FER: variants seen among roughly 807,000 people sequenced by gnomAD.
FER encodes the protein FER tyrosine kinase, also known as tyrosine-protein kinase Fer.
A neutral mutation model predicts 111.0 loss-of-function variants in FER; 63 were observed. That is an observed-to-expected ratio of 0.57 (90% confidence interval 0.46 to 0.70). The LOEUF is 0.70. FER is among the 30% of genes least tolerant of loss of function. The pLI is 0.00. For missense variants in FER, 914 were observed against 954.0 expected, an observed-to-expected ratio of 0.96 and a Z score of 0.55; for synonymous variants, 327 against 313.9, an observed-to-expected ratio of 1.04 and a Z score of -0.44.
intron 17 of FER, among the ~76,000 whole-genome samples, chr5:109,139,385 C>G (rs1009729765): frequency 4.9e-5 from 6 of 122,286 alleles, no homozygotes; most frequent in African/African-American, 1.9e-4. Flanking sequence ...GAGTCTCGCT[C>G]TGTTGCCCAG....
At chr5:109,053,821 G>A (rs1009306977) in intron 16 of FER, among the ~76,000 whole-genome samples, 1 of 151,224 alleles carries the variant, frequency 6.6e-6, no homozygotes, top group Non-Finnish European at 1.5e-5. Flanking sequence ...CTCCCGAGTA[G>A]CTGGGACTAC....
At chr5:109,182,135 TTATC>T (rs1582426608) in intron 18 of FER, among the ~76,000 whole-genome samples, 2 of 152,358 alleles carry the variant, frequency 1.3e-5, no homozygotes, top group South Asian at 2.1e-4. Context: ...AACCATTTAT[TTATC>T]CATTTTTGTA....
chr5:108,838,672 G>A (rs951062829), intron 5 of FER, among the ~76,000 whole-genome samples: 6 of 151,882 alleles, frequency 4.0e-5, no homozygotes, highest in Admixed American at 2.6e-4. Flanking sequence ...AGGAACACTC[G>A]TTTATGTTTA....
chr5:109,010,685 A>C (rs1317834988), intron 13 of FER, among the ~76,000 whole-genome samples: 1 of 152,156 alleles, frequency 6.6e-6, no homozygotes, highest in Non-Finnish European at 1.5e-5. Context: ...ATCTGTAGTT[A>C]TGCAAACTAG....
chr5:108,766,435 T>C (rs554310427), intron 1 of FER, among the ~76,000 whole-genome samples: 56 of 152,350 alleles, frequency 3.7e-4, no homozygotes, highest in African/African-American at 1.3e-3. Context: ...TGTGTTAAGA[T>C]AGAAATTCTT....
At chr5:109,174,356 T>C (rs1366361841) in intron 17 of FER, among the ~76,000 whole-genome samples, 1 of 152,150 alleles carries the variant, frequency 6.6e-6, no homozygotes, top group Non-Finnish European at 1.5e-5. Flanking sequence ...TGGCTAGCCA[T>C]TTATTTTTTG....
rs1561503352 is a variant in FER at position 108,845,045 on chromosome 5, T to TATAC, written c.481+9241_481+9242insCATA. 1.8e-4 allele frequency among the ~76,000 whole-genome samples: 7 copies of TATAC among 39,136 alleles called. No homozygotes were observed. In the East Asian group the frequency reaches 2.9e-3, roughly 16 times the overall value. The allele number at this position is 39,136 out of a possible 152,430, so 25.7% of individuals were successfully genotyped here. ...ATATATATATATATATATATACATATATATATATATATATATATATATACA... is the reference window on the plus strand; with the variant it reads ...ATATATATATATATATATATACATATATACATATATATATATATATATATATACA... On this transcript the variant is annotated intron_variant, in intron 5 of 19. Coordinates refer to ENST00000281092, the MANE Select transcript of FER (RefSeq NM_005246.4).
chr5:108,847,912 TCTCA>T, intron 5 of FER, among the ~76,000 whole-genome samples: 1 of 152,274 alleles, frequency 6.6e-6, no homozygotes, highest in Non-Finnish European at 1.5e-5. Flanking sequence ...TACAACAGGG[TCTCA>T]CTCTGTTGCT....
chr5:109,009,044 C>A (rs1301784819), intron 13 of FER, among the ~76,000 whole-genome samples: 3 of 115,996 alleles, frequency 2.6e-5, no homozygotes, highest in Non-Finnish European at 5.1e-5. Context: ...CCTCTTCAGT[C>A]TTTTTTTTTT....
At chr5:109,133,698 A>G (rs994535685) in intron 17 of FER, among the ~76,000 whole-genome samples, 1 of 152,188 alleles carries the variant, frequency 6.6e-6, no homozygotes, top group African/African-American at 2.4e-5. Flanking sequence ...CATTTATGTG[A>G]TAATTGTTCC....
chr5:108,899,055 A>G (rs1304806687), intron 10 of FER, among the ~76,000 whole-genome samples: 1 of 147,326 alleles, frequency 6.8e-6, no homozygotes, highest in Non-Finnish European at 1.5e-5. Flanking sequence ...AAATAGTATG[A>G]TTTGATTAAG....
chr5:108,945,562 C>T (rs973970142), intron 10 of FER, among the ~76,000 whole-genome samples: 1 of 151,794 alleles, frequency 6.6e-6, no homozygotes, highest in African/African-American at 2.4e-5. Context: ...TTTACTTCAT[C>T]CTCCTCCCAC....
At chr5:108,871,966 A>G in intron 7 of FER, 127 bp from the exon 8 acceptor site, 1 of 953,464 alleles carries the variant, frequency 1.0e-6, no homozygotes, top group Non-Finnish European at 1.5e-6. Flanking sequence ...AGTTTGATTT[A>G]TACTATTTGT....
chr5:109,117,018 G>A (rs898962935), intron 17 of FER, among the ~76,000 whole-genome samples: 3 of 152,062 alleles, frequency 2.0e-5, no homozygotes, highest in African/African-American at 7.2e-5. Context: ...GAGACAATTT[G>A]TCCAGGCTTT....
In FER at chr5:108,887,061, T is replaced by G. The variant is rs181116443; in HGVS notation, c.1046+3543T>G. The stretch of plus-strand genomic sequence containing the variant: ...TATATAATTAAAATCAATTTTTATC[T>G]GGTTTTAATAATAAACTTACATTAT... On this transcript the variant is annotated intron_variant, in intron 9 of 19. Coordinates refer to ENST00000281092, the MANE Select transcript of FER (RefSeq NM_005246.4). Among the ~76,000 whole-genome samples the G allele has an allele frequency of 6.9e-3, 1,044 of 151,822 alleles. 9 individuals carry two copies. The highest frequency in any genetic ancestry group is 0.014 in the Middle Eastern group (4 of 294).
intron 13 of FER, among the ~76,000 whole-genome samples, chr5:108,961,282 G>A (rs1170294447): frequency 2.0e-5 from 3 of 152,116 alleles, no homozygotes; most frequent in African/African-American, 7.2e-5. Flanking sequence ...TTGTCTACAG[G>A]CTTAGCCAGG....
intron 10 of FER, among the ~76,000 whole-genome samples, chr5:108,903,222 C>T (rs1359073707): frequency 2.0e-5 from 3 of 152,164 alleles, no homozygotes; most frequent in Non-Finnish European, 4.4e-5. Flanking sequence ...TGAAATTGCA[C>T]ATTTTGTTTA....
At chr5:108,992,233 T>C (rs1263685255) in intron 13 of FER, among the ~76,000 whole-genome samples, 2 of 152,258 alleles carry the variant, frequency 1.3e-5, no homozygotes, top group African/African-American at 2.4e-5. Flanking sequence ...CAGAAGAATT[T>C]TTCTAGTACA....
intron 13 of FER, among the ~76,000 whole-genome samples, chr5:108,986,658 A>G (rs960344697): frequency 6.6e-6 from 1 of 152,172 alleles, no homozygotes; most frequent in Admixed American, 6.5e-5. Flanking sequence ...TCATTCTTCT[A>G]CATGTGACTT....
Sources: allele counts gnomAD v4.1 joint callset (sites outside exome capture counted in the v4.1 genomes callset), GRCh38; gene constraint gnomAD v4.1.1; transcripts MANE v1.5; gene names NCBI Gene and HGNC (gene_info 2026-07-23, HGNC 2026-07-21).